UACA: variants seen among roughly 807,000 people sequenced by gnomAD.
UACA encodes uveal autoantigen with coiled-coil domains and ankyrin repeats, also known as nuclear membrane binding protein.
Under a neutral mutation model 160.5 loss-of-function variants are expected in UACA, and 112 were observed. The observed-to-expected ratio is 0.70, with a 90% CI of 0.60 to 0.82. UACA has a LOEUF of 0.82. Among genes scored for constraint, UACA ranks in the 40% least tolerant of loss-of-function variants. UACA has a pLI of 0.00. For missense variants in UACA, 1,574 were observed against 1,614.6 expected (o/e 0.97, Z 0.43); for synonymous variants, 557 against 568.4 (o/e 0.98, Z 0.29).
At chr15:70,676,636 G>A in intron 12 of UACA, 45 bp from the exon 13 acceptor site, 1 of 1,501,706 alleles carries the variant, frequency 6.7e-7, no homozygotes, top group South Asian at 1.1e-5. Flanking sequence ...CCTGTGCTTG[G>A]AATTGGATTA....
chr15:70,669,511 A>G (rs1595874461), intron 15 of UACA, 49 bp from the exon 16 acceptor site: 2 of 1,414,396 alleles, frequency 1.4e-6, no homozygotes, highest in East Asian at 2.4e-5. Flanking sequence ...TAAATGAGAC[A>G]TTTACTATAC....
chr15:70,671,134 T>A, intron 14 of UACA, 43 bp from the exon 15 acceptor site: 1 of 1,333,560 alleles, frequency 7.5e-7, no homozygotes, highest in Non-Finnish European at 1.1e-6. Context: ...TCAATATCCA[T>A]ACTAAAGTAG....
chr15:70,656,206 G>A lies in UACA; in HGVS notation c.*850C>T, dbSNP rs960266201. 3.9e-5 allele frequency: 6 copies of A among 152,016 alleles called. No individual in the cohort carries two copies. Among genetic ancestry groups the A allele is most frequent in the African/African-American group, 1.2e-4 (5 of 41,404 alleles). The allele number at this position is 152,016 out of a possible 1,614,324, so 9.4% of individuals were successfully genotyped here. A position where few individuals can be genotyped will look rare whatever the true frequency, so the allele number is the denominator to read the frequency against. On this transcript the variant is annotated 3_prime_UTR_variant, in exon 19 of 19. Transcript: ENST00000322954. Reference sequence around the variant, plus strand: ...CCTATAAATAAGCATGAAACATTTGGAGGATGCATATATAATGAGTGCTTG... The same window carrying A: ...CCTATAAATAAGCATGAAACATTTGAAGGATGCATATATAATGAGTGCTTG...
upstream of UACA, chr15:70,763,628 G>T: frequency 1.2e-6 from 1 of 852,344 alleles, no homozygotes; most frequent in Non-Finnish European, 1.6e-6. Context: ...GGCAAACCGC[G>T]ACCAATCGGA....
the UACA span, among the ~76,000 whole-genome samples, chr15:70,770,859 C>T: frequency 6.6e-6 from 1 of 152,228 alleles, no homozygotes; most frequent in African/African-American, 2.4e-5. Context: ...AAGTGGCACT[C>T]ATCAAGTCAA....
At chr15:70,671,482 T>C (rs1897139047) in intron 14 of UACA, 1 of 159,456 alleles carries the variant, frequency 6.3e-6, no homozygotes, top group African/African-American at 2.4e-5. Flanking sequence ...GAGAGAATAG[T>C]TTAATAGTCA....
At chr15:70,738,528 C>T (rs1014974643) in intron 1 of UACA, among the ~76,000 whole-genome samples, 1 of 152,110 alleles carries the variant, frequency 6.6e-6, no homozygotes, top group African/African-American at 2.4e-5. Flanking sequence ...AAAATCTTCA[C>T]CCATACATGA....
At chr15:70,686,943 A>T (rs1897746056) in intron 7 of UACA, among the ~76,000 whole-genome samples, 1 of 152,232 alleles carries the variant, frequency 6.6e-6, no homozygotes, top group Non-Finnish European at 1.5e-5. Flanking sequence ...AATTCTGGAT[A>T]GAAATTATTA....
chr15:70,679,310 G>A (rs1897399192), intron 10 of UACA, among the ~76,000 whole-genome samples: 1 of 151,924 alleles, frequency 6.6e-6, no homozygotes, highest in African/African-American at 2.4e-5. Flanking sequence ...GGCTGAGGCA[G>A]GAGGATCACT....
chr15:70,774,362 T>C, the UACA span, among the ~76,000 whole-genome samples: 95 of 151,948 alleles, frequency 6.3e-4, 2 homozygotes, highest in Admixed American at 3.1e-3. Context: ...CTGGCTAACA[T>C]GGTGAAACCC....
Position 70,675,260 on chromosome 15 carries a change from T to C in UACA, c.1131+1233A>G, listed in dbSNP as rs1323380173. 2.0e-5 allele frequency among the ~76,000 whole-genome samples: 3 copies of C among 152,322 alleles called. No individual in the cohort carries two copies. The East Asian group carries it at 5.8e-4, about 29-fold the overall frequency. On this transcript the variant is annotated intron_variant, in intron 13 of 18. Transcript: ENST00000322954. ...TACATGGTCAGTGCTATTAAAATAT[T>C]AGCAATCACCAGTTTCACAATTAGC...
rs3214542 is a variant in UACA, at chr15:70,666,569, C to CT, written c.3960+154dup. On this transcript the variant is annotated intron_variant, in intron 16 of 18. Coordinates refer to ENST00000322954, the MANE Select transcript of UACA (RefSeq NM_018003.4). The stretch of plus-strand genomic sequence containing the variant: ...TGCTTTTGACTTTTGTGTTACTTCA[C>CT]TTTTTTTTTCAATTCGGAATTTTTG... Among the ~76,000 whole-genome samples, 18 of 151,812 alleles carry CT rather than the reference C, an allele frequency of 1.2e-4. No individual in the cohort carries two copies. In the East Asian group the frequency reaches 3.5e-3, roughly 29 times the overall value.
chr15:70,664,960 C>T (rs973889829), intron 16 of UACA, 146 bp from the exon 17 acceptor site: 23 of 616,846 alleles, frequency 3.7e-5, no homozygotes, highest in Non-Finnish European at 6.1e-5. Flanking sequence ...AAGACTGTTA[C>T]CAAGGATGTA....
intron 1 of UACA, among the ~76,000 whole-genome samples, chr15:70,718,292 A>C (rs116712386): frequency 0.012 from 1,017 of 83,962 alleles, 16 homozygotes; most frequent in African/African-American, 0.043. Flanking sequence ...GGGAGAGAGG[A>C]AGGGAGAGAG....
Position 70,668,222 on chromosome 15 carries a change from A to G in UACA, c.2462T>C (p.Val821Ala). 2 of 1,612,690 alleles carry G rather than the reference A, an allele frequency of 1.2e-6. No individual in the cohort carries two copies. Among genetic ancestry groups the G allele is most frequent in the Non-Finnish European group, 1.7e-6 (2 of 1,179,758 alleles). Reference sequence around the variant, plus strand: ...TTCAGACAGCTGTTTCTTAAGTTCAACAATATTGGATTTCAGAGCTATTAT... The same window carrying G: ...TTCAGACAGCTGTTTCTTAAGTTCAGCAATATTGGATTTCAGAGCTATTAT... Reference protein sequence around the residue: ...KEIIALKSNIVELKKQLSELK... With the variant: ...KEIIALKSNIAELKKQLSELK... The change falls in exon 16 of 19, where the codon GTT becomes GCT. Residue 821 changes from valine to alanine, a missense_variant. By Grantham distance (64) the Val-to-Ala change is moderately conservative (BLOSUM62 0). Coordinates refer to ENST00000322954, the MANE Select transcript of UACA (RefSeq NM_018003.4).
intron 1 of UACA, among the ~76,000 whole-genome samples, chr15:70,759,374 G>C (rs1461940710): frequency 2.0e-5 from 3 of 152,198 alleles, no homozygotes; most frequent in African/African-American, 7.2e-5. Context: ...AAATGTAACA[G>C]GCTGGGCACG....
intron 1 of UACA, among the ~76,000 whole-genome samples, chr15:70,750,581 C>T (rs1455777760): frequency 2.0e-5 from 3 of 152,172 alleles, no homozygotes; most frequent in Non-Finnish European, 2.9e-5. Flanking sequence ...AAGAAGCTCA[C>T]CCTGGCCAGG....
At chr15:70,767,290 A>C (rs551481669), upstream of UACA, among the ~76,000 whole-genome samples, 1 of 149,416 alleles carries the variant, frequency 6.7e-6, no homozygotes, top group South Asian at 2.1e-4. Flanking sequence ...AACAATAAAA[A>C]AAAGAATCCA....
intron 2 of UACA, among the ~76,000 whole-genome samples, chr15:70,698,885 G>C (rs542910972): frequency 6.6e-6 from 1 of 152,044 alleles, no homozygotes; most frequent in Non-Finnish European, 1.5e-5. Flanking sequence ...GATTTGAGAC[G>C]GGGAAGGGGA....
Sources: allele counts gnomAD v4.1 joint callset (sites outside exome capture counted in the v4.1 genomes callset), GRCh38; gene constraint gnomAD v4.1.1; transcripts MANE v1.5; gene names NCBI Gene and HGNC (gene_info 2026-07-23, HGNC 2026-07-21).